The following LRGUK variants were observed in gnomAD, a reference collection of about 807,000 sequenced individuals.
The protein encoded by LRGUK is leucine-rich repeat and guanylate kinase domain-containing protein.
A neutral mutation model predicts 76.0 loss-of-function variants in LRGUK; 65 were observed. That is an observed-to-expected ratio of 0.85 (90% CI 0.70 to 1.05). The LOEUF is 1.05. LRGUK is among the 50% of genes least tolerant of loss of function. The probability of loss-of-function intolerance (pLI) is 0.00; values close to 1 mark genes in which losing one functional copy is unlikely to be tolerated. For missense variants in LRGUK, 758 were observed against 732.8 expected (o/e 1.03, Z -0.40); for synonymous variants, 268 against 265.6 (o/e 1.01, Z -0.09).
At chr7:134,147,184 G>T (rs1026538732) in intron 4 of LRGUK, among the ~76,000 whole-genome samples, 1 of 152,058 alleles carries the variant, frequency 6.6e-6, no homozygotes, top group Non-Finnish European at 1.5e-5. Flanking sequence ...AGGCCGAGAC[G>T]GGTGGATCAG....
chr7:134,180,410 A>G (rs1799691555), intron 10 of LRGUK, among the ~76,000 whole-genome samples: 2 of 152,146 alleles, frequency 1.3e-5, no homozygotes, highest in East Asian at 1.9e-4. Context: ...ATCTGTGTCT[A>G]TCTATAGATA....
chr7:134,128,839 C>T (rs1026358907), intron 1 of LRGUK, among the ~76,000 whole-genome samples: 16 of 152,028 alleles, frequency 1.1e-4, no homozygotes, highest in African/African-American at 3.9e-4. Flanking sequence ...CGTGAGCCAC[C>T]GCACCCGGCC....
intron 11 of LRGUK, among the ~76,000 whole-genome samples, chr7:134,185,534 A>T (rs902910724): frequency 2.6e-5 from 4 of 152,092 alleles, no homozygotes; most frequent in Non-Finnish European, 4.4e-5. Flanking sequence ...TCTCAAAAAA[A>T]AAAAAAAGAT....
chr7:134,167,164 A>G (rs1799027825), intron 7 of LRGUK, among the ~76,000 whole-genome samples: 1 of 152,154 alleles, frequency 6.6e-6, no homozygotes, highest in Non-Finnish European at 1.5e-5. Context: ...GACCCCTTGG[A>G]GGTCTTTGGC....
At chr7:134,183,989 C>A in intron 11 of LRGUK, 136 bp downstream of exon 11, 3 of 1,176,002 alleles carry the variant, frequency 2.6e-6, no homozygotes, top group Non-Finnish European at 3.6e-6. Flanking sequence ...TACAAAACAA[C>A]TTAATATTTA....
chr7:134,171,624 C>T (rs992511596), intron 7 of LRGUK, among the ~76,000 whole-genome samples: 5 of 151,864 alleles, frequency 3.3e-5, no homozygotes, highest in Admixed American at 3.3e-4. Context: ...GGACTATCGT[C>T]AATAGGGGCA....
chr7:134,258,405 G>C (rs746367925), exon 19 of LRGUK: 17 of 1,613,478 alleles, frequency 1.1e-5, no homozygotes, highest in African/African-American at 1.3e-5. Flanking sequence ...GACCCGGAAA[G>C]GTATGAGTTA....
At chr7:134,129,959 C>T (rs905910327) in intron 1 of LRGUK, among the ~76,000 whole-genome samples, 6 of 152,130 alleles carry the variant, frequency 3.9e-5, no homozygotes, top group Non-Finnish European at 7.4e-5. Flanking sequence ...CTCTAACCTG[C>T]GGTGTCTTCT....
At chr7:134,199,446 G>T in intron 14 of LRGUK, 25 bp downstream of exon 14, 1 of 1,587,088 alleles carries the variant, frequency 6.3e-7, no homozygotes. Context: ...GCAAAGTTTT[G>T]TTTTTGAAAT....
chr7:134,250,656 C>T (rs1247243079), intron 18 of LRGUK, among the ~76,000 whole-genome samples: 1 of 152,166 alleles, frequency 6.6e-6, no homozygotes, highest in Non-Finnish European at 1.5e-5. Context: ...GGTCCCCTCT[C>T]AGTCTGCATG....
intron 5 of LRGUK, among the ~76,000 whole-genome samples, chr7:134,152,350 T>G (rs1798256221): frequency 6.6e-6 from 1 of 151,978 alleles, no homozygotes; most frequent in Non-Finnish European, 1.5e-5. Flanking sequence ...CTAACAAAAC[T>G]CTATTTAAGG....
At chr7:134,272,411 A>T in the LRGUK span, among the ~76,000 whole-genome samples, 3 of 151,130 alleles carry the variant, frequency 2.0e-5, no homozygotes, top group African/African-American at 7.3e-5. Flanking sequence ...TTCCCTCCTT[A>T]CCTCCCTCCC....
intron 3 of LRGUK, among the ~76,000 whole-genome samples, chr7:134,142,172 C>T (rs1010413149): frequency 3.9e-5 from 6 of 152,064 alleles, no homozygotes; most frequent in African/African-American, 1.5e-4. Flanking sequence ...GTTGTAATAG[C>T]GCATACTATG....
intron 11 of LRGUK, among the ~76,000 whole-genome samples, chr7:134,185,882 T>C (rs2117030891): frequency 6.6e-6 from 1 of 152,308 alleles, no homozygotes; most frequent in East Asian, 1.9e-4. Flanking sequence ...AATTTATTAA[T>C]ACATTTTAGA....
chr7:134,200,180 G>A (rs1003003627), intron 14 of LRGUK, among the ~76,000 whole-genome samples: 1 of 150,544 alleles, frequency 6.6e-6, no homozygotes. Flanking sequence ...GGGATTACAG[G>A]TGCCCGCCAC....
At chr7:134,270,809 GT>G in the LRGUK span, among the ~76,000 whole-genome samples, 1 of 151,938 alleles carries the variant, frequency 6.6e-6, no homozygotes, top group South Asian at 2.1e-4. Flanking sequence ...CTACATGTTT[GT>G]TATTACAAAG....
intron 5 of LRGUK, among the ~76,000 whole-genome samples, chr7:134,157,130 A>C (rs1472689567): frequency 6.6e-6 from 1 of 152,242 alleles, no homozygotes; most frequent in African/African-American, 2.4e-5. Flanking sequence ...AATAAATGGA[A>C]TTTAACGGAT....
chr7:134,273,308 G>C, the LRGUK span, among the ~76,000 whole-genome samples: 3 of 152,118 alleles, frequency 2.0e-5, no homozygotes, highest in Non-Finnish European at 4.4e-5. Flanking sequence ...CAGGCAGTGG[G>C]CATGAATGCC....
intron 19 of LRGUK, among the ~76,000 whole-genome samples, chr7:134,260,346 G>T (rs747864493): frequency 9.9e-5 from 15 of 152,132 alleles, no homozygotes; most frequent in Non-Finnish European, 1.5e-4. Context: ...GATTGTGTTG[G>T]TGTATTTTAT....
Sources: gnomAD v4.1 joint callset for allele counts (sites outside exome capture counted in the v4.1 genomes callset) on GRCh38, gnomAD v4.1.1 for gene constraint, MANE v1.5 for transcripts, NCBI Gene and HGNC (gene_info 2026-07-23, HGNC 2026-07-21) for gene names.